Variants in CTNND2 observed in about 807,000 individuals in gnomAD.
CTNND2 encodes catenin delta 2.
CTNND2 carries 22 observed loss-of-function variants against 144.4 expected under a neutral mutation model. That is an observed-to-expected ratio of 0.15 (90% CI 0.11 to 0.22). CTNND2 has a LOEUF of 0.22. CTNND2 is among the 10% of genes least tolerant of loss of function. The pLI is 1.00. For missense variants in CTNND2, 1,353 were observed against 1,618.8 expected (o/e 0.84, Z 2.82); for synonymous variants, 751 against 695.6 (o/e 1.08, Z -1.25).
intron 14 of CTNND2, among the ~76,000 whole-genome samples, chr5:11,110,399 G>C (rs1036318454): frequency 6.6e-6 from 1 of 152,182 alleles, no homozygotes; most frequent in African/African-American, 2.4e-5. Flanking sequence ...GAAAGTGTGA[G>C]ACTGAAAATC....
chr5:11,889,500 C>A (rs1037842770), intron 1 of CTNND2, among the ~76,000 whole-genome samples: 9 of 152,166 alleles, frequency 5.9e-5, no homozygotes, highest in Admixed American at 5.2e-4. Context: ...GCCAAAGGAA[C>A]CTCCCCAGTC....
intron 2 of CTNND2, among the ~76,000 whole-genome samples, chr5:11,679,716 C>T (rs1421267305): frequency 6.6e-6 from 1 of 152,140 alleles, no homozygotes; most frequent in Non-Finnish European, 1.5e-5. Flanking sequence ...TTAAACATGC[C>T]AACCAACAGC....
chr5:11,693,382 T>C (rs1784997237), intron 2 of CTNND2, among the ~76,000 whole-genome samples: 1 of 152,272 alleles, frequency 6.6e-6, no homozygotes, highest in South Asian at 2.1e-4. Context: ...CAACTTGGGT[T>C]TGAAACCCAG....
chr5:11,593,127 C>A (rs554663271), intron 2 of CTNND2, among the ~76,000 whole-genome samples: 1 of 152,090 alleles, frequency 6.6e-6, no homozygotes, highest in Non-Finnish European at 1.5e-5. Flanking sequence ...TGCTTATATG[C>A]AGCACATGCA....
chr5:11,407,584 A>T (rs6896539), intron 5 of CTNND2, among the ~76,000 whole-genome samples: 95 of 152,174 alleles, frequency 6.2e-4, no homozygotes, highest in African/African-American at 2.2e-3. Flanking sequence ...GAACTATGCG[A>T]TCATGGGGTG....
intron 1 of CTNND2, among the ~76,000 whole-genome samples, chr5:11,819,706 A>G (rs529012570): frequency 4.2e-4 from 64 of 152,150 alleles, no homozygotes; most frequent in Non-Finnish European, 7.6e-4. Context: ...TTCACTGTAT[A>G]GCCCTGTTGC....
intron 15 of CTNND2, among the ~76,000 whole-genome samples, chr5:11,088,301 C>G (rs929178584): frequency 3.3e-5 from 5 of 152,080 alleles, no homozygotes; most frequent in Admixed American, 3.3e-4. Flanking sequence ...GGGAAACTGA[C>G]CACAGTGGAG....
intron 1 of CTNND2, among the ~76,000 whole-genome samples, chr5:11,812,167 G>A (rs1792369714): frequency 6.6e-6 from 1 of 152,136 alleles, no homozygotes; most frequent in Non-Finnish European, 1.5e-5. Context: ...AAAGAAATTA[G>A]TAAAACACAG....
chr5:11,223,124 C>A (rs1277764950), intron 10 of CTNND2, among the ~76,000 whole-genome samples: 2 of 152,318 alleles, frequency 1.3e-5, no homozygotes, highest in Non-Finnish European at 2.9e-5. Context: ...CACCCCATAT[C>A]TTTGCATCTT....
At chr5:11,702,175 A>C (rs1195252079) in intron 2 of CTNND2, among the ~76,000 whole-genome samples, 1 of 152,148 alleles carries the variant, frequency 6.6e-6, no homozygotes, top group Non-Finnish European at 1.5e-5. Flanking sequence ...AGCAGAATGG[A>C]GCTGACCACC....
intron 1 of CTNND2, among the ~76,000 whole-genome samples, chr5:11,783,757 C>A (rs1046514584): frequency 6.6e-6 from 1 of 152,184 alleles, no homozygotes; most frequent in African/African-American, 2.4e-5. Flanking sequence ...GCACACCAAC[C>A]AGGAAATCCT....
intron 3 of CTNND2, among the ~76,000 whole-genome samples, chr5:11,486,772 T>G (rs1038592390): frequency 2.0e-5 from 3 of 152,206 alleles, no homozygotes; most frequent in Non-Finnish European, 4.4e-5. Context: ...TGAAGCTATC[T>G]TTCTTCATCT....
At chr5:11,272,957 G>C (rs1346456287) in intron 9 of CTNND2, among the ~76,000 whole-genome samples, 1 of 152,106 alleles carries the variant, frequency 6.6e-6, no homozygotes, top group Non-Finnish European at 1.5e-5. Context: ...TTTATAATCT[G>C]TCTGATGACA....
At chr5:11,340,605 A>G (rs777293189) in intron 9 of CTNND2, among the ~76,000 whole-genome samples, 1 of 152,242 alleles carries the variant, frequency 6.6e-6, no homozygotes, top group African/African-American at 2.4e-5. Flanking sequence ...AAATAATGGA[A>G]TCACTCTACA....
intron 12 of CTNND2, among the ~76,000 whole-genome samples, chr5:11,141,283 T>C (rs562829595): frequency 1.5e-4 from 23 of 152,122 alleles, no homozygotes; most frequent in African/African-American, 5.1e-4. Context: ...CAAATGCATA[T>C]AAGACCGTCA....
At chr5:11,052,800 T>C (rs754984970) in intron 16 of CTNND2, among the ~76,000 whole-genome samples, 1 of 151,932 alleles carries the variant, frequency 6.6e-6, no homozygotes, top group Non-Finnish European at 1.5e-5. Flanking sequence ...CTCAAGCAGA[T>C]AAGGGCATCT....
intron 18 of CTNND2, among the ~76,000 whole-genome samples, chr5:11,015,424 C>G (rs1180454365): frequency 6.6e-6 from 1 of 152,192 alleles, no homozygotes; most frequent in Non-Finnish European, 1.5e-5. Context: ...GAAAACATCA[C>G]CATTCATTTG....
At position 11,185,600 on chromosome 5, in the gene CTNND2, C is replaced by T. The variant is rs537225398; in HGVS notation, c.1975+13848G>A. Reference sequence around the variant, plus strand: ...CTGCCATGATGGCAACGACAACAGCCGTCATGATGGAAGAGCGAGTTGCTA... The same window carrying T: ...CTGCCATGATGGCAACGACAACAGCTGTCATGATGGAAGAGCGAGTTGCTA... On this transcript the variant is annotated intron_variant, in intron 11 of 21. Transcript: ENST00000304623. 1.2e-4 allele frequency among the ~76,000 whole-genome samples: 19 copies of T among 152,298 alleles called. No homozygotes were observed. In the East Asian group the frequency reaches 3.5e-3, roughly 28 times the overall value.
At chr5:11,664,931 T>C (rs1407951495) in intron 2 of CTNND2, among the ~76,000 whole-genome samples, 1 of 152,154 alleles carries the variant, frequency 6.6e-6, no homozygotes, top group Non-Finnish European at 1.5e-5. Flanking sequence ...ATCACTGCTT[T>C]GAAGAAAGAA....
Sources: allele counts gnomAD v4.1 joint callset (sites outside exome capture counted in the v4.1 genomes callset), GRCh38; gene constraint gnomAD v4.1.1; transcripts MANE v1.5; gene names NCBI Gene and HGNC (gene_info 2026-07-23, HGNC 2026-07-21).